The following DGKG variants were observed in gnomAD, a reference collection of about 807,000 sequenced individuals.
The protein encoded by DGKG is DAG kinase gamma.
DGKG carries 78 observed loss-of-function variants against 105.3 expected under a neutral mutation model. That is an observed-to-expected ratio of 0.74 (90% CI 0.62 to 0.89). DGKG has a LOEUF of 0.89. Among genes scored for constraint, DGKG ranks in the 40% least tolerant of loss-of-function variants. The pLI is 0.00. For missense variants in DGKG, 958 were observed against 1,020.1 expected, an observed-to-expected ratio of 0.94 and a Z score of 0.83; for synonymous variants, 346 against 367.1, an observed-to-expected ratio of 0.94 and a Z score of 0.66.
Position 186,147,396 on chromosome 3 carries a change from C to T in DGKG, c.*2694G>A. The T allele has an allele frequency of 4.1e-6, 4 of 979,780 alleles. No individual in the cohort carries two copies. The highest frequency in any genetic ancestry group is 4.9e-6 in the Non-Finnish European group (4 of 824,508). 60.7% of individuals were successfully genotyped at this position (979,780 alleles called of 1,614,324 possible). On this transcript the variant is annotated 3_prime_UTR_variant, in exon 25 of 25. Transcript: ENST00000265022. ...CTCATTGAGATCGAGATAATAATAC[C>T]TTCTCTGCTAACCTCAGAGGTTGCT...
intron 22 of DGKG, among the ~76,000 whole-genome samples, chr3:186,181,705 C>T (rs1233041277): frequency 6.6e-6 from 1 of 152,088 alleles, no homozygotes; most frequent in Non-Finnish European, 1.5e-5. Context: ...TGCACTCCAG[C>T]CTGGGCAAAA....
chr3:186,169,436 A>T (rs146859713), intron 22 of DGKG, among the ~76,000 whole-genome samples: 3 of 152,354 alleles, frequency 2.0e-5, no homozygotes, highest in African/African-American at 7.2e-5. Flanking sequence ...AACAAAAGTC[A>T]TGTATAAAAA....
chr3:186,209,938 T>A (rs1718949112), intron 21 of DGKG, among the ~76,000 whole-genome samples: 1 of 152,182 alleles, frequency 6.6e-6, no homozygotes, highest in Non-Finnish European at 1.5e-5. Flanking sequence ...AGACTCATTA[T>A]GGAGAGATAA....
rs770200708 is a variant in DGKG at position 186,251,776 on chromosome 3, AGTT to A, written c.1741_1743del (p.Asn581del). On this transcript the variant is annotated inframe_deletion, in exon 19 of 25. Coordinates refer to ENST00000265022, the MANE Select transcript of DGKG (RefSeq NM_001346.3). ...CAACTCACCACACCAATGGAGAAAT[AGTT>A]GTTCATGATGCTGTATGGGACCTGG... is the stretch of plus-strand genomic sequence containing the variant. 1.9e-6 allele frequency: 3 copies of A among 1,614,140 alleles called. No homozygotes were observed. The highest frequency in any genetic ancestry group is 2.5e-6 in the Non-Finnish European group (3 of 1,179,994).
chr3:186,153,833 G>A (rs114149520), intron 24 of DGKG, among the ~76,000 whole-genome samples: 1,574 of 152,074 alleles, frequency 0.01, 29 homozygotes, highest in African/African-American at 0.036. Flanking sequence ...GGCCAGGCGC[G>A]GTGGCTCACG....
At chr3:186,167,700 A>G (rs1425051876) in intron 22 of DGKG, among the ~76,000 whole-genome samples, 6 of 152,150 alleles carry the variant, frequency 3.9e-5, no homozygotes. Context: ...TATTGTCTTT[A>G]CACTCTTCAA....
At chr3:186,335,457 A>C (rs968857131) in intron 1 of DGKG, among the ~76,000 whole-genome samples, 12 of 151,908 alleles carry the variant, frequency 7.9e-5, no homozygotes, top group Non-Finnish European at 1.5e-4. Flanking sequence ...TTAGACATAA[A>C]CCCTTTACTC....
chr3:186,275,181 A>G (rs1368249805), intron 10 of DGKG, among the ~76,000 whole-genome samples: 1 of 152,238 alleles, frequency 6.6e-6, no homozygotes, highest in Admixed American at 6.5e-5. Flanking sequence ...ACTTGGCCCC[A>G]AATGCTTATT....
chr3:186,299,837 C>CTTTCTTTCT (rs1560142091), intron 3 of DGKG, among the ~76,000 whole-genome samples: 2 of 90,064 alleles, frequency 2.2e-5, no homozygotes, highest in Non-Finnish European at 4.5e-5. Flanking sequence ...TTCTTTCTTT[C>CTTTCTTTCT]TTTTTTTTTT....
At position 186,298,239 on chromosome 3, in the gene DGKG, G is replaced by C. The variant is rs745947276; in HGVS notation, c.145-10C>G. ...CATCATAGCTAATCGGCTGAGAAGG[G>C]GCAAAAGGGCAAAGTCAGTGGAGAG... On this transcript the variant is annotated splice_polypyrimidine_tract_variant and intron_variant, in intron 3 of 24. Transcript: ENST00000265022. 3 of 1,578,532 alleles carry C rather than the reference G, an allele frequency of 1.9e-6. No homozygotes were observed. Among genetic ancestry groups the C allele is most frequent in the African/African-American group, 1.4e-5 (1 of 73,782 alleles).
Position 186,210,522 on chromosome 3 carries a change from C to A in DGKG, c.1917+1273G>T. 4.5e-6 allele frequency: 2 copies of A among 445,596 alleles called. No individual in the cohort carries two copies. 27.6% of individuals were successfully genotyped at this position (445,596 alleles called of 1,614,324 possible). ...GCCAGATCGGCGCCTCCCACCCTGG[C>A]GTTGGTAACCCAGCAACCGAAGAGG... On this transcript the variant is annotated intron_variant, in intron 21 of 24. Transcript: ENST00000265022. The surrounding 1 kb of genome is among the most constrained non-coding windows in gnomAD (Gnocchi z 5.2).
rs535762515 is a variant in DGKG at position 186,160,481 on chromosome 3, AT to A, written c.2277+1121del. On this transcript the variant is annotated intron_variant, in intron 24 of 24. Transcript: ENST00000265022. Reference sequence around the variant, plus strand: ...CTATTATTTGATATAGTGTGTTTTCATTTTTTTCTTGGTCTTCATAAGATTG... The same window carrying A: ...CTATTATTTGATATAGTGTGTTTTCATTTTTTCTTGGTCTTCATAAGATTG... 2.6e-5 allele frequency: 26 copies of A among 985,272 alleles called. No homozygotes were observed. In the Admixed American group the frequency reaches 3.7e-4, roughly 14 times the overall value. The allele number at this position is 985,272 out of a possible 1,614,324, so 61.0% of individuals were successfully genotyped here. A position where few individuals can be genotyped will look rare whatever the true frequency, so the allele number is the denominator to read the frequency against.
At chr3:186,202,961 A>G (rs1718546366) in intron 21 of DGKG, among the ~76,000 whole-genome samples, 1 of 152,262 alleles carries the variant, frequency 6.6e-6, no homozygotes, top group Non-Finnish European at 1.5e-5. Flanking sequence ...TAATTCACAA[A>G]GAACAAAAGA....
intron 24 of DGKG, chr3:186,158,948 C>G (rs1213735197): frequency 1.6e-5 from 8 of 513,990 alleles, no homozygotes; most frequent in Non-Finnish European, 1.7e-5. Context: ...ATTACTATGT[C>G]TTCCTTTTAA....
At chr3:186,186,629 C>T (rs112140181) in intron 22 of DGKG, among the ~76,000 whole-genome samples, 2,046 of 152,258 alleles carry the variant, frequency 0.013, 53 homozygotes, top group African/African-American at 0.046. Context: ...AACTGGGGTG[C>T]CAAAAATAGG....
At chr3:186,183,868 C>A (rs1355802503) in intron 22 of DGKG, among the ~76,000 whole-genome samples, 1 of 152,106 alleles carries the variant, frequency 6.6e-6, no homozygotes, top group Non-Finnish European at 1.5e-5. Flanking sequence ...CCACACCCGG[C>A]TAATTTTGTA....
intron 21 of DGKG, among the ~76,000 whole-genome samples, chr3:186,200,267 G>A (rs1383895750): frequency 6.6e-6 from 1 of 152,064 alleles, no homozygotes; most frequent in African/African-American, 2.4e-5. Flanking sequence ...GCCCCTAGAG[G>A]GTGAAAATGG....
At chr3:186,317,143 C>T (rs1013116913) in intron 2 of DGKG, among the ~76,000 whole-genome samples, 7 of 152,258 alleles carry the variant, frequency 4.6e-5, no homozygotes, top group Admixed American at 1.3e-4. Flanking sequence ...GCCTGCTCAG[C>T]GGCTTTGCTG....
chr3:186,260,424 T>C lies in DGKG; in HGVS notation c.1424+15A>G, dbSNP rs376442518. The C allele has an allele frequency of 9.8e-5, 155 of 1,587,844 alleles. No homozygotes were observed. The African/African-American group carries it at 1.7e-3, about 18-fold the overall frequency. Reference sequence around the variant, plus strand: ...GAGGGGGAGAAATAAGAGGTAAAGATTGTGATCTCCATACCCTGGAGTAGG... The same window carrying C: ...GAGGGGGAGAAATAAGAGGTAAAGACTGTGATCTCCATACCCTGGAGTAGG... On this transcript the variant is annotated intron_variant, in intron 16 of 24. Coordinates refer to ENST00000265022, the MANE Select transcript of DGKG (RefSeq NM_001346.3).
Sources: allele counts gnomAD v4.1 joint callset (sites outside exome capture counted in the v4.1 genomes callset), GRCh38; gene constraint gnomAD v4.1.1; non-coding constraint Gnocchi (gnomAD v3.1); transcripts MANE v1.5; gene names NCBI Gene and HGNC (gene_info 2026-07-23, HGNC 2026-07-21).